BMPR2: variants seen among roughly 807,000 people sequenced by gnomAD.
BMPR2 encodes bone morphogenetic protein receptor type-2.
BMPR2 carries 29 observed loss-of-function variants against 100.8 expected under a neutral mutation model. That is an observed-to-expected ratio of 0.29 (90% confidence interval 0.21 to 0.39). The LOEUF (loss-of-function observed/expected upper bound fraction) is 0.39, where lower values mean the gene tolerates loss of function less well. Ranked by LOEUF, BMPR2 falls within the 10% of genes least tolerant of loss-of-function variation. The probability of loss-of-function intolerance (pLI) is 1.00; values close to 1 mark genes in which losing one functional copy is unlikely to be tolerated. For synonymous variants in BMPR2, 382 were observed against 442.3 expected (o/e 0.86, Z 1.71); for missense variants, 1,011 against 1,274.5 (o/e 0.79, Z 3.15).
At chr2:202,435,424 T>A (rs1293062701) in intron 1 of BMPR2, among the ~76,000 whole-genome samples, 1 of 143,126 alleles carries the variant, frequency 7.0e-6, no homozygotes, top group South Asian at 2.1e-4. Context: ...TGTACAGTTA[T>A]ACAGTATGTT....
chr2:202,483,800 G>A (rs1048016684), intron 3 of BMPR2, among the ~76,000 whole-genome samples: 4 of 152,218 alleles, frequency 2.6e-5, no homozygotes, highest in African/African-American at 9.6e-5. Context: ...ACTCAGGAAT[G>A]TGTTCTTTTG....
At chr2:202,492,948 T>A (rs145632868) in intron 3 of BMPR2, among the ~76,000 whole-genome samples, 1 of 152,312 alleles carries the variant, frequency 6.6e-6, no homozygotes, top group Non-Finnish European at 1.5e-5. Context: ...TCATATTTTG[T>A]TGTTCAATCA....
chr2:202,527,537 G>C (rs966496411), intron 7 of BMPR2, among the ~76,000 whole-genome samples: 1 of 151,162 alleles, frequency 6.6e-6, no homozygotes, highest in Non-Finnish European at 1.5e-5. Flanking sequence ...TGTAATCCCA[G>C]CACTTTGGGA....
At chr2:202,419,574 C>G (rs549471611) in intron 1 of BMPR2, among the ~76,000 whole-genome samples, 1 of 152,080 alleles carries the variant, frequency 6.6e-6, no homozygotes, top group Non-Finnish European at 1.5e-5. Flanking sequence ...CCAGGCTGGT[C>G]TTGAACTCCT....
At chr2:202,429,915 TGGGGATTAC>T (rs1691472023) in intron 1 of BMPR2, among the ~76,000 whole-genome samples, 2 of 152,172 alleles carry the variant, frequency 1.3e-5, no homozygotes, top group Admixed American at 1.3e-4. Context: ...GTGGGGATTA[TGGGGATTAC>T]GATTTGAGAT....
At chr2:202,470,766 G>GGA (rs1692421924) in intron 3 of BMPR2, among the ~76,000 whole-genome samples, 1 of 129,194 alleles carries the variant, frequency 7.7e-6, no homozygotes, top group Admixed American at 8.4e-5. Flanking sequence ...GCGAGACTCC[G>GGA]TCTCAAAAAA....
intron 3 of BMPR2, among the ~76,000 whole-genome samples, chr2:202,486,683 A>G (rs554127964): frequency 3.0e-4 from 46 of 152,218 alleles, no homozygotes; most frequent in African/African-American, 1.1e-3. Flanking sequence ...TCTTATTTCA[A>G]TTTTTATTCA....
At chr2:202,526,320 C>A (rs1394889005) in intron 7 of BMPR2, among the ~76,000 whole-genome samples, 1 of 152,160 alleles carries the variant, frequency 6.6e-6, no homozygotes, top group African/African-American at 2.4e-5. Context: ...ATAGCCCTGA[C>A]ATTATTTTTT....
chr2:202,428,577 G>T (rs1028962015), intron 1 of BMPR2, among the ~76,000 whole-genome samples: 60 of 147,852 alleles, frequency 4.1e-4, no homozygotes, highest in African/African-American at 1.3e-3. Context: ...TTTTAAAAAA[G>T]TTTTTTTTTT....
chr2:202,500,842 C>T (rs894882672), intron 3 of BMPR2, among the ~76,000 whole-genome samples: 2 of 152,156 alleles, frequency 1.3e-5, no homozygotes, highest in Non-Finnish European at 2.9e-5. Flanking sequence ...TCAAGGATGC[C>T]TTCTTCTGTA....
chr2:202,398,962 C>G (rs935923879), intron 1 of BMPR2, among the ~76,000 whole-genome samples: 1 of 152,082 alleles, frequency 6.6e-6, no homozygotes, highest in African/African-American at 2.4e-5. Context: ...AACCCCGTCT[C>G]TACTAAAAAT....
At chr2:202,412,412 G>A (rs2105917868) in intron 1 of BMPR2, among the ~76,000 whole-genome samples, 1 of 152,238 alleles carries the variant, frequency 6.6e-6, no homozygotes, top group African/African-American at 2.4e-5. Context: ...TCCGCCTTCT[G>A]GATTCACGCC....
chr2:202,546,152 A>G (rs1182110584), intron 10 of BMPR2, among the ~76,000 whole-genome samples: 2 of 152,210 alleles, frequency 1.3e-5, no homozygotes, highest in African/African-American at 2.4e-5. Context: ...CAGGGAATCC[A>G]TTTAAATCTA....
At chr2:202,528,058 G>C (rs1687950859) in intron 7 of BMPR2, among the ~76,000 whole-genome samples, 1 of 152,056 alleles carries the variant, frequency 6.6e-6, no homozygotes, top group South Asian at 2.1e-4. Flanking sequence ...GTGGTGGCAT[G>C]CACCTGTAGT....
chr2:202,508,068 G>A (rs1322539807), intron 3 of BMPR2, among the ~76,000 whole-genome samples: 1 of 116,590 alleles, frequency 8.6e-6, no homozygotes, highest in Non-Finnish European at 1.7e-5. Flanking sequence ...TGTCATTTGA[G>A]GCTATTATTA....
chr2:202,429,334 T>G (rs1691456179), intron 1 of BMPR2, among the ~76,000 whole-genome samples: 1 of 74,442 alleles, frequency 1.3e-5, no homozygotes, highest in Admixed American at 1.8e-4. Flanking sequence ...CTGCTTACAT[T>G]TTCAGCATCA....
intron 9 of BMPR2, among the ~76,000 whole-genome samples, chr2:202,540,479 T>A (rs1461546174): frequency 6.6e-6 from 1 of 152,238 alleles, no homozygotes; most frequent in African/African-American, 2.4e-5. Flanking sequence ...CTTAAATGTT[T>A]ACAGTATGTG....
intron 1 of BMPR2, among the ~76,000 whole-genome samples, chr2:202,422,256 A>G (rs1691278869): frequency 6.6e-6 from 1 of 151,972 alleles, no homozygotes; most frequent in Non-Finnish European, 1.5e-5. Flanking sequence ...ATACATGTGA[A>G]TGACAGCTGC....
intron 1 of BMPR2, among the ~76,000 whole-genome samples, chr2:202,411,940 C>T (rs1691020566): frequency 6.6e-6 from 1 of 152,032 alleles, no homozygotes; most frequent in South Asian, 2.1e-4. Flanking sequence ...AATCCTGGAC[C>T]AGCAAAAGGA....
Sources: gnomAD v4.1 joint callset for allele counts (sites outside exome capture counted in the v4.1 genomes callset) on GRCh38, gnomAD v4.1.1 for gene constraint, MANE v1.5 for transcripts, NCBI Gene and HGNC (gene_info 2026-07-23, HGNC 2026-07-21) for gene names.